Variants in ENTHD1 observed in about 807,000 individuals in gnomAD.
ENTHD1 encodes ENTH domain-containing protein 1.
In ENTHD1, 23 loss-of-function variants were observed where a neutral mutation model predicts 39.1. The observed-to-expected ratio is 0.59, with a 90% CI of 0.42 to 0.83. The LOEUF (loss-of-function observed/expected upper bound fraction) is 0.83, where lower values mean the gene tolerates loss of function less well. Among genes scored for constraint, ENTHD1 ranks in the 40% least tolerant of loss-of-function variants. ENTHD1 has a pLI of 0.00. For missense variants in ENTHD1, 624 were observed against 705.4 expected (o/e 0.88, Z 1.31); for synonymous variants, 230 against 258.2 (o/e 0.89, Z 1.05).
chr22:39,845,415 G>A (rs1365002175), intron 3 of ENTHD1, among the ~76,000 whole-genome samples: 1 of 152,122 alleles, frequency 6.6e-6, no homozygotes. Context: ...CCTAGTGAGA[G>A]CTGCCTAAGC....
intron 5 of ENTHD1, among the ~76,000 whole-genome samples, chr22:39,813,463 A>G (rs911354370): frequency 6.6e-6 from 1 of 152,228 alleles, no homozygotes; most frequent in Non-Finnish European, 1.5e-5. Flanking sequence ...AGGTTATTTT[A>G]ATATCTGGAA....
chr22:39,882,504 G>A (rs541174808), intron 2 of ENTHD1, among the ~76,000 whole-genome samples: 188 of 152,276 alleles, frequency 1.2e-3, no homozygotes, highest in Non-Finnish European at 2.4e-3. Flanking sequence ...GAAGATTAGG[G>A]AAATAAGAGC....
At chr22:39,838,568 T>C (rs2065922448) in intron 3 of ENTHD1, among the ~76,000 whole-genome samples, 1 of 152,094 alleles carries the variant, frequency 6.6e-6, no homozygotes, top group Non-Finnish European at 1.5e-5. Context: ...GCCCTGCTTG[T>C]AGCTAGCAAT....
chr22:39,812,893 C>T (rs1460063817), intron 5 of ENTHD1, among the ~76,000 whole-genome samples: 1 of 152,166 alleles, frequency 6.6e-6, no homozygotes, highest in East Asian at 1.9e-4. Flanking sequence ...AGCAATCCTC[C>T]CACCTCAGTC....
intron 1 of ENTHD1, among the ~76,000 whole-genome samples, chr22:39,890,099 AAAATAAATAAATAAATAAAT>A (rs202065437): frequency 7.8e-4 from 109 of 139,572 alleles, no homozygotes; most frequent in African/African-American, 1.8e-3. Flanking sequence ...CTCTGTCTCA[AAAATAAATAAATAAATAAAT>A]AAATAAATAA....
At chr22:39,760,031 A>T (rs1338535022) in intron 6 of ENTHD1, among the ~76,000 whole-genome samples, 3 of 151,928 alleles carry the variant, frequency 2.0e-5, no homozygotes, top group Non-Finnish European at 4.4e-5. Context: ...TTAATGATGC[A>T]GTATGTGTTC....
chr22:39,800,649 A>G (rs1376021377), intron 5 of ENTHD1, among the ~76,000 whole-genome samples: 4 of 152,244 alleles, frequency 2.6e-5, no homozygotes, highest in Non-Finnish European at 5.9e-5. Flanking sequence ...ATTTGCCTTC[A>G]GGCAAACCTG....
intron 5 of ENTHD1, among the ~76,000 whole-genome samples, chr22:39,766,602 C>T (rs575298245): frequency 1.3e-5 from 2 of 152,220 alleles, no homozygotes; most frequent in South Asian, 4.2e-4. Flanking sequence ...TCGAAGCTCC[C>T]AAAAGAGGAC....
At chr22:39,748,613 C>CG (rs2065125709) in intron 6 of ENTHD1, among the ~76,000 whole-genome samples, 1 of 151,596 alleles carries the variant, frequency 6.6e-6, no homozygotes, top group African/African-American at 2.4e-5. Flanking sequence ...TTAGTAGAGA[C>CG]GGGGTTTCAC....
At chr22:39,854,769 C>A (rs1301419438) in intron 3 of ENTHD1, among the ~76,000 whole-genome samples, 1 of 152,076 alleles carries the variant, frequency 6.6e-6, no homozygotes, top group African/African-American at 2.4e-5. Context: ...CCTCTTTTCC[C>A]TTGCTGATTC....
At chr22:39,763,095 G>C (rs1052752755) in intron 6 of ENTHD1, among the ~76,000 whole-genome samples, 1 of 152,130 alleles carries the variant, frequency 6.6e-6, no homozygotes, top group Non-Finnish European at 1.5e-5. Context: ...ATTTGTGAGG[G>C]CTGCTCAACT....
intron 3 of ENTHD1, among the ~76,000 whole-genome samples, chr22:39,843,316 T>C (rs1331319397): frequency 6.6e-6 from 1 of 151,938 alleles, no homozygotes; most frequent in Non-Finnish European, 1.5e-5. Flanking sequence ...TGTAGGGACA[T>C]GGATGAAACT....
intron 6 of ENTHD1, among the ~76,000 whole-genome samples, chr22:39,761,949 C>A (rs935889708): frequency 2.0e-5 from 3 of 152,136 alleles, no homozygotes; most frequent in Non-Finnish European, 4.4e-5. Flanking sequence ...TTCATTATGA[C>A]CCATATTTTC....
At chr22:39,777,748 A>T (rs909453422) in intron 5 of ENTHD1, among the ~76,000 whole-genome samples, 1 of 152,248 alleles carries the variant, frequency 6.6e-6, no homozygotes, top group African/African-American at 2.4e-5. Context: ...GAGGGTGCTC[A>T]TTGTTAAATT....
At chr22:39,853,970 G>C (rs1264851934) in intron 3 of ENTHD1, among the ~76,000 whole-genome samples, 2 of 152,166 alleles carry the variant, frequency 1.3e-5, no homozygotes, top group African/African-American at 4.8e-5. Context: ...GCTCCCTTCA[G>C]GGTCACAGGT....
chr22:39,862,746 T>G (rs188395656), intron 2 of ENTHD1, among the ~76,000 whole-genome samples: 5 of 152,228 alleles, frequency 3.3e-5, no homozygotes, highest in Non-Finnish European at 2.9e-5. Context: ...TCACCATATA[T>G]GTACACGGAA....
intron 5 of ENTHD1, among the ~76,000 whole-genome samples, chr22:39,795,458 CT>C (rs1382350356): frequency 6.6e-6 from 1 of 151,602 alleles, no homozygotes; most frequent in African/African-American, 2.4e-5. Context: ...CAAGGTCTCA[CT>C]TTGTCACCCA....
chr22:39,816,666 C>T (rs8138202), intron 5 of ENTHD1, among the ~76,000 whole-genome samples: 9,113 of 152,100 alleles, frequency 0.06, 378 homozygotes, highest in South Asian at 0.12. Flanking sequence ...TTTAAATGCA[C>T]ATGGATTACA....
At chr22:39,810,362 C>T (rs1249277407) in intron 5 of ENTHD1, among the ~76,000 whole-genome samples, 1 of 152,102 alleles carries the variant, frequency 6.6e-6, no homozygotes. Context: ...TACCTCACAC[C>T]GAATCCAGCT....
Sources: gnomAD v4.1 joint callset for allele counts (sites outside exome capture counted in the v4.1 genomes callset) on GRCh38, gnomAD v4.1.1 for gene constraint, MANE v1.5 for transcripts, NCBI Gene and HGNC (gene_info 2026-07-23, HGNC 2026-07-21) for gene names.